Variants in PRICKLE2 observed in about 807,000 individuals in gnomAD.
The protein encoded by PRICKLE2 is prickle-like protein 2.
PRICKLE2 carries 21 observed loss-of-function variants against 81.4 expected under a neutral mutation model. The ratio of observed to expected loss-of-function variants is 0.26; its 90% CI spans 0.18 to 0.37. The LOEUF is 0.37. Among genes scored for constraint, PRICKLE2 ranks in the 10% least tolerant of loss-of-function variants. PRICKLE2 has a pLI of 1.00. For missense variants in PRICKLE2, 940 were observed against 1,109.0 expected (o/e 0.85, Z 2.16); for synonymous variants, 456 against 421.5 (o/e 1.08, Z -1.00).
At chr3:64,153,836 G>A (rs1269589065) in intron 5 of PRICKLE2, 2 of 167,134 alleles carry the variant, frequency 1.2e-5, no homozygotes, top group Non-Finnish European at 2.6e-5. Context: ...CTAGAGCTAA[G>A]AAGAGAGGCT....
At chr3:64,124,268 A>T (rs2077073407) in intron 7 of PRICKLE2, among the ~76,000 whole-genome samples, 1 of 152,218 alleles carries the variant, frequency 6.6e-6, no homozygotes, top group South Asian at 2.1e-4. Context: ...GCAGAAGAAA[A>T]GTTAGAAACT....
At chr3:64,266,681 G>C (rs2079714690) in intron 2 of PRICKLE2, among the ~76,000 whole-genome samples, 1 of 152,162 alleles carries the variant, frequency 6.6e-6, no homozygotes, top group Admixed American at 6.5e-5. Context: ...TATTTGTTCT[G>C]TCTGTACAGA....
At chr3:64,120,962 G>A (rs2077014960) in intron 7 of PRICKLE2, among the ~76,000 whole-genome samples, 1 of 152,194 alleles carries the variant, frequency 6.6e-6, no homozygotes, top group South Asian at 2.1e-4. Context: ...TTCTTGGAAA[G>A]CATAAAGACC....
At chr3:64,181,813 G>C (rs2078140068) in intron 2 of PRICKLE2, among the ~76,000 whole-genome samples, 1 of 152,090 alleles carries the variant, frequency 6.6e-6, no homozygotes, top group African/African-American at 2.4e-5. Context: ...TCTTACTTTG[G>C]CTTGAGTGAA....
chr3:64,252,775 G>T (rs55671636), intron 2 of PRICKLE2, among the ~76,000 whole-genome samples: 4 of 151,932 alleles, frequency 2.6e-5, no homozygotes, highest in African/African-American at 7.3e-5. Flanking sequence ...ATTAGATCAG[G>T]GGTCAACAAA....
chr3:64,103,795 C>T (rs2076706973), intron 7 of PRICKLE2, among the ~76,000 whole-genome samples: 1 of 152,062 alleles, frequency 6.6e-6, no homozygotes, highest in Admixed American at 6.5e-5. Context: ...ACCTGGGCAA[C>T]ATGGTGAAAC....
At chr3:64,193,310 T>G (rs75356659) in intron 2 of PRICKLE2, among the ~76,000 whole-genome samples, 1 of 152,136 alleles carries the variant, frequency 6.6e-6, no homozygotes, top group African/African-American at 2.4e-5. Flanking sequence ...CTTTTTGGGA[T>G]GCTTAGCATC....
At chr3:64,138,685 A>G (rs975012615) in intron 7 of PRICKLE2, among the ~76,000 whole-genome samples, 6 of 152,234 alleles carry the variant, frequency 3.9e-5, no homozygotes, top group Non-Finnish European at 8.8e-5. Flanking sequence ...GAGTTCTGCA[A>G]TACCAATGAA....
At chr3:64,160,979 CAAACAAAA>C (rs549133836) in intron 3 of PRICKLE2, among the ~76,000 whole-genome samples, 143 of 114,252 alleles carry the variant, frequency 1.3e-3, no homozygotes, top group Admixed American at 6.1e-3. Flanking sequence ...AACAAACAAA[CAAACAAAA>C]AAACCAGAAG....
At chr3:64,214,195 A>C (rs770395681) in intron 1 of PRICKLE2, among the ~76,000 whole-genome samples, 9 of 152,114 alleles carry the variant, frequency 5.9e-5, no homozygotes, top group Non-Finnish European at 1.3e-4. Context: ...ACACCCTTCA[A>C]AACTTGACAG....
chr3:64,133,080 A>G lies in PRICKLE2; in HGVS notation c.1660+13750T>C, dbSNP rs548672587. On this transcript the variant is annotated intron_variant, in intron 7 of 7. Coordinates refer to ENST00000638394, the MANE Select transcript of PRICKLE2 (RefSeq NM_198859.4). ...AAGCTGGAATAAAAGATGTCCTCTG[A>G]TTTGATGTGCTTCATCCAGTATTGC... is the stretch of plus-strand genomic sequence containing the variant. Among the ~76,000 whole-genome samples the G allele has an allele frequency of 9.2e-5, 14 of 152,274 alleles. No homozygotes were observed. The East Asian group carries it at 2.5e-3, about 27-fold the overall frequency.
At chr3:64,224,856 C>T (rs2079008898) in intron 1 of PRICKLE2, 54 bp downstream of exon 1, 1 of 956,996 alleles carries the variant, frequency 1.0e-6, no homozygotes, top group Non-Finnish European at 1.2e-6. Context: ...TCTCATCCTC[C>T]TTAGAAAATA....
At chr3:64,213,406 A>G (rs2078823521) in intron 1 of PRICKLE2, among the ~76,000 whole-genome samples, 1 of 152,198 alleles carries the variant, frequency 6.6e-6, no homozygotes, top group African/African-American at 2.4e-5. Flanking sequence ...CCAAGTTGCA[A>G]TAAGGCAGAC....
rs142989920 is a variant in PRICKLE2 at position 64,172,605 on chromosome 3, A to G, written c.145-9476T>C. On this transcript the variant is annotated intron_variant, in intron 2 of 7. Coordinates refer to ENST00000638394, the MANE Select transcript of PRICKLE2 (RefSeq NM_198859.4). ...CTCAAATGATATCGTGTAACTAACAAAGAGAGAGGCACAGGCTGAAGGCTC... is the reference window on the plus strand; with the variant it reads ...CTCAAATGATATCGTGTAACTAACAGAGAGAGAGGCACAGGCTGAAGGCTC... Among the ~76,000 whole-genome samples the G allele has an allele frequency of 1.2e-3, 181 of 152,308 alleles. 2 individuals are homozygous for G. Among genetic ancestry groups the G allele is most frequent in the African/African-American group, 4.2e-3 (175 of 41,574 alleles).
intron 7 of PRICKLE2, among the ~76,000 whole-genome samples, chr3:64,110,071 A>G (rs1575546056): frequency 6.6e-6 from 1 of 152,222 alleles, no homozygotes; most frequent in Non-Finnish European, 1.5e-5. Flanking sequence ...AATCATGTGG[A>G]GTCAGTTTTA....
chr3:64,194,196 T>C (rs1273550238), intron 2 of PRICKLE2: 1 of 152,254 alleles, frequency 6.6e-6, no homozygotes, highest in Non-Finnish European at 1.5e-5. Context: ...TTAGTGAAGA[T>C]GGCAGGATCT....
chr3:64,217,235 G>A (rs1315057033), intron 1 of PRICKLE2, among the ~76,000 whole-genome samples: 10 of 151,994 alleles, frequency 6.6e-5, no homozygotes, highest in Non-Finnish European at 2.9e-5. Context: ...AAAGGGACAG[G>A]AGCCCTAAGG....
chr3:64,160,147 C>G, intron 3 of PRICKLE2, 70 bp from the exon 4 acceptor site: 1 of 1,543,638 alleles, frequency 6.5e-7, no homozygotes, highest in Non-Finnish European at 8.9e-7. Flanking sequence ...GCCCATGACT[C>G]TGAGTTTTCT....
Position 64,147,345 on chromosome 3 carries a change from GACA to G in PRICKLE2, c.1142_1144del (p.Leu381_Ser382delinsPro). On this transcript the variant is annotated inframe_deletion, in exon 7 of 8. Coordinates refer to ENST00000638394, the MANE Select transcript of PRICKLE2 (RefSeq NM_198859.4). The surrounding 1 kb of genome is among the most constrained non-coding windows in gnomAD (Gnocchi z 5.0). ...CCGGTTGAGGCTGGGTGTCTGGCTG[GACA>G]GGCTGAGCATGTCCATCTGCAGTGA... 3 of 1,614,156 alleles carry G rather than the reference GACA, an allele frequency of 1.9e-6. No individual in the cohort carries two copies. Among genetic ancestry groups the G allele is most frequent in the Non-Finnish European group, 2.5e-6 (3 of 1,180,032 alleles).
Sources: gnomAD v4.1 joint callset for allele counts (sites outside exome capture counted in the v4.1 genomes callset) on GRCh38, gnomAD v4.1.1 for gene constraint, Gnocchi (gnomAD v3.1) non-coding constraint, MANE v1.5 for transcripts, NCBI Gene and HGNC (gene_info 2026-07-23, HGNC 2026-07-21) for gene names.